The following CYP2C19 variants were observed in gnomAD, a reference collection of about 807,000 sequenced individuals.
CYP2C19 encodes the protein cytochrome P450 2C19.
CYP2C19 carries 59 observed loss-of-function variants against 40.9 expected under a neutral mutation model. The ratio of observed to expected loss-of-function variants is 1.44; its 90% CI spans 1.17 to 1.79. CYP2C19 has a LOEUF of 1.79. Ranked by LOEUF, CYP2C19 falls within the 40% of genes most tolerant of loss-of-function variation. The pLI is 0.00. For synonymous variants in CYP2C19, 253 were observed against 208.7 expected (o/e 1.21, Z -1.83); for missense variants, 754 against 596.9 (o/e 1.26, Z -2.74).
Position 94,846,409 on chromosome 10 carries a change from C to T in CYP2C19, c.1149+3385C>T, listed in dbSNP as rs140725187. On this transcript the variant is annotated intron_variant, in intron 7 of 8. Transcript: ENST00000371321. The stretch of plus-strand genomic sequence containing the variant: ...GCACATAATGTTACATATGCTATTA[C>T]TGGTTATGCTAAGATCCTGACCTAA... 3.1e-3 allele frequency among the ~76,000 whole-genome samples: 475 copies of T among 152,298 alleles called. 3 individuals carry two copies. The highest frequency in any genetic ancestry group is 0.011 in the African/African-American group (452 of 41,574).
intron 7 of CYP2C19, among the ~76,000 whole-genome samples, chr10:94,847,050 C>A (rs536874562): frequency 1.3e-4 from 20 of 151,264 alleles, no homozygotes; most frequent in Admixed American, 9.9e-4. Flanking sequence ...TCAACAGAGA[C>A]TTCAACTTTA....
rs1267723490 is a variant in CYP2C19 at position 94,842,855 on chromosome 10, T to C, written c.980T>C (p.Ile327Thr). ...PEVTAKVQEE[I>T]ERVIGRNRSP... Reference sequence around the variant, plus strand: ...TTGTCAGCTAAAGTCCAGGAAGAGATTGAACGTGTCATTGGCAGAAACCGG... The same window carrying C: ...TTGTCAGCTAAAGTCCAGGAAGAGACTGAACGTGTCATTGGCAGAAACCGG... Residue 327 changes from isoleucine to threonine, a missense_variant, in exon 7 of 9, where the codon ATT becomes ACT. Ile to Thr is a moderately conservative substitution (Grantham distance 89). Transcript: ENST00000371321. 6.2e-7 allele frequency: 1 copy of C among 1,614,160 alleles called. No homozygotes were observed. The highest frequency in any genetic ancestry group is 8.5e-7 in the Non-Finnish European group (1 of 1,180,018).
intron 5 of CYP2C19, 80 bp from the exon 6 acceptor site, chr10:94,820,416 A>T: frequency 2.0e-6 from 3 of 1,499,510 alleles, no homozygotes; most frequent in Non-Finnish European, 2.8e-6. Flanking sequence ...GTAAGTATAC[A>T]ATGTGAGTAA....
At chr10:94,840,228 CTT>C (rs113238504) in intron 6 of CYP2C19, among the ~76,000 whole-genome samples, 196 of 142,852 alleles carry the variant, frequency 1.4e-3, no homozygotes, top group African/African-American at 4.8e-3. Flanking sequence ...ATGGGGCACA[CTT>C]TTTTTTTTTT....
intron 4 of CYP2C19, 88 bp from the exon 5 acceptor site, chr10:94,781,733 T>G: frequency 1.8e-6 from 1 of 541,426 alleles, no homozygotes. Context: ...TTTATATTTA[T>G]AGTTTTAAAT....
chr10:94,788,492 A>C (rs1848570730), intron 5 of CYP2C19, among the ~76,000 whole-genome samples: 1 of 151,992 alleles, frequency 6.6e-6, no homozygotes, highest in Admixed American at 6.6e-5. Context: ...GGTTTGCTGC[A>C]CCCATCATCC....
At chr10:94,830,357 G>A (rs549879259) in intron 6 of CYP2C19, among the ~76,000 whole-genome samples, 76 of 152,230 alleles carry the variant, frequency 5.0e-4, no homozygotes, top group African/African-American at 1.8e-3. Flanking sequence ...TAATCTCGTG[G>A]TGCACCGTTT....
At chr10:94,774,965 A>G (rs936198123) in intron 1 of CYP2C19, 93 bp from the exon 2 acceptor site, 1 of 1,344,188 alleles carries the variant, frequency 7.4e-7, no homozygotes, top group Non-Finnish European at 1.0e-6. Context: ...GAATAAAAGC[A>G]TACAAATACA....
intron 3 of CYP2C19, among the ~76,000 whole-genome samples, chr10:94,779,747 G>C (rs1848458638): frequency 6.6e-6 from 1 of 151,800 alleles, no homozygotes; most frequent in Non-Finnish European, 1.5e-5. Flanking sequence ...CCTTAGCAGA[G>C]ATGGGGTTCA....
chr10:94,789,090 T>C (rs371304713), intron 5 of CYP2C19, among the ~76,000 whole-genome samples: 29 of 152,290 alleles, frequency 1.9e-4, no homozygotes, highest in African/African-American at 6.7e-4. Flanking sequence ...ATTCTTCTAA[T>C]GACCAGTGAT....
At chr10:94,777,252 A>C (rs970163453) in intron 3 of CYP2C19, among the ~76,000 whole-genome samples, 1 of 152,194 alleles carries the variant, frequency 6.6e-6, no homozygotes, top group East Asian at 1.9e-4. Context: ...GTTCAATGCT[A>C]TTCCCATCAA....
intron 6 of CYP2C19, among the ~76,000 whole-genome samples, chr10:94,829,279 T>TC (rs1849288246): frequency 6.6e-6 from 1 of 152,196 alleles, no homozygotes; most frequent in African/African-American, 2.4e-5. Context: ...GTTTCCATTC[T>TC]CCCCATCACT....
At chr10:94,781,458 T>C (rs768323832) in intron 4 of CYP2C19, among the ~76,000 whole-genome samples, 1 of 152,166 alleles carries the variant, frequency 6.6e-6, no homozygotes, top group Non-Finnish European at 1.5e-5. Context: ...GTGCAAACTC[T>C]TTTAACCTAT....
intron 3 of CYP2C19, chr10:94,775,785 G>T (rs372743466): frequency 8.7e-6 from 5 of 577,592 alleles, no homozygotes; most frequent in East Asian, 5.9e-5. Context: ...CCTGAACTTT[G>T]CTTCTTTGTT....
chr10:94,836,857 A>T (rs1268724796), intron 6 of CYP2C19, among the ~76,000 whole-genome samples: 1 of 152,214 alleles, frequency 6.6e-6, no homozygotes, highest in Non-Finnish European at 1.5e-5. Flanking sequence ...AAAGTAAATC[A>T]TCCACGTACT....
At position 94,790,704 on chromosome 10, in the gene CYP2C19, C is replaced by T. The variant is rs530046876; in HGVS notation, c.819+8707C>T. On this transcript the variant is annotated intron_variant, in intron 5 of 8. Coordinates refer to ENST00000371321, the MANE Select transcript of CYP2C19 (RefSeq NM_000769.4). ...ATCCCCGGGATGAAGCCAACTTGAT[C>T]GTGGTGGATGAAGCCAACTTGATCG... Among the ~76,000 whole-genome samples the T allele has an allele frequency of 3.3e-5, 5 of 152,064 alleles. No individual in the cohort carries two copies. In the South Asian group the frequency reaches 1.0e-3, roughly 32 times the overall value.
intron 3 of CYP2C19, among the ~76,000 whole-genome samples, chr10:94,777,618 G>T (rs1419907473): frequency 6.6e-6 from 1 of 152,104 alleles, no homozygotes; most frequent in Non-Finnish European, 1.5e-5. Context: ...ACAGAAACTG[G>T]ATCCCTTCCT....
rs1282420722 is a variant in CYP2C19 at position 94,827,304 on chromosome 10, G to A, written c.961+6667G>A. Among the ~76,000 whole-genome samples the A allele has an allele frequency of 3.3e-5, 5 of 152,020 alleles. No individual in the cohort carries two copies. In the East Asian group the frequency reaches 7.7e-4, roughly 23 times the overall value. On this transcript the variant is annotated intron_variant, in intron 6 of 8. Coordinates refer to ENST00000371321, the MANE Select transcript of CYP2C19 (RefSeq NM_000769.4). ...ATCCGTCTGGTCCTGGACTCTTTTTGGTTGGTAAGCTATTGATTATTGCCA... is the reference window on the plus strand; with the variant it reads ...ATCCGTCTGGTCCTGGACTCTTTTTAGTTGGTAAGCTATTGATTATTGCCA...
intron 6 of CYP2C19, among the ~76,000 whole-genome samples, chr10:94,832,343 T>C (rs985822359): frequency 2.6e-5 from 4 of 152,216 alleles, no homozygotes; most frequent in African/African-American, 9.6e-5. Context: ...ACATCTTACA[T>C]GGTGGCAGAC....
Sources: allele counts gnomAD v4.1 joint callset (sites outside exome capture counted in the v4.1 genomes callset), GRCh38; gene constraint gnomAD v4.1.1; transcripts MANE v1.5; gene names NCBI Gene and HGNC (gene_info 2026-07-23, HGNC 2026-07-21).